Variants in PAQR5 observed in about 807,000 individuals in gnomAD.
PAQR5 encodes the protein progestin and adipoQ receptor family member 5.
PAQR5 carries 20 observed loss-of-function variants against 34.5 expected under a neutral mutation model. The ratio of observed to expected loss-of-function variants is 0.58; its 90% CI spans 0.41 to 0.84. The LOEUF (loss-of-function observed/expected upper bound fraction) is 0.84. Among genes scored for constraint, PAQR5 ranks in the 40% least tolerant of loss-of-function variants. PAQR5 has a pLI of 0.00. For missense variants in PAQR5, 378 were observed against 412.7 expected, an observed-to-expected ratio of 0.92 and a Z score of 0.73; for synonymous variants, 131 against 155.6, an observed-to-expected ratio of 0.84 and a Z score of 1.18.
intron 1 of PAQR5, among the ~76,000 whole-genome samples, chr15:69,335,226 AG>A (rs1225998243): frequency 1.3e-5 from 2 of 148,484 alleles, no homozygotes; most frequent in Admixed American, 6.9e-5. Context: ...AAAAAAAAAA[AG>A]ATTTAAAAGA....
At chr15:69,314,301 C>T (rs560586746) in intron 1 of PAQR5, 2 of 152,220 alleles carry the variant, frequency 1.3e-5, no homozygotes, top group East Asian at 1.9e-4. Context: ...GGCCCAGCTG[C>T]CCTTCTCCCT....
chr15:69,366,555 G>C (rs1179918844), intron 3 of PAQR5, among the ~76,000 whole-genome samples: 1 of 152,058 alleles, frequency 6.6e-6, no homozygotes, highest in Non-Finnish European at 1.5e-5. Flanking sequence ...AATTGATCTT[G>C]GTCTGAGAAT....
At chr15:69,366,315 A>G (rs1393745899) in intron 3 of PAQR5, among the ~76,000 whole-genome samples, 4 of 152,226 alleles carry the variant, frequency 2.6e-5, no homozygotes, top group Non-Finnish European at 5.9e-5. Context: ...ATCATAGTCT[A>G]TTGAATGGAT....
intron 3 of PAQR5, among the ~76,000 whole-genome samples, chr15:69,366,948 T>C (rs2055419329): frequency 6.6e-6 from 1 of 152,168 alleles, no homozygotes; most frequent in African/African-American, 2.4e-5. Flanking sequence ...TCTTTATATC[T>C]AGTAATGCTT....
At chr15:69,390,336 A>ATTTT (rs1344658113) in intron 6 of PAQR5, among the ~76,000 whole-genome samples, 2 of 94,874 alleles carry the variant, frequency 2.1e-5, no homozygotes, top group Non-Finnish European at 5.0e-5. Flanking sequence ...TTATTTATTT[A>ATTTT]TTTATTTATT....
rs904373944 is a variant in PAQR5 at position 69,312,747 on chromosome 15, G to A, written c.-277+13691G>A. Among the ~76,000 whole-genome samples the A allele has an allele frequency of 7.9e-5, 12 of 152,050 alleles. 1 individual carries two copies. In the South Asian group the frequency reaches 2.5e-3, roughly 32 times the overall value. On this transcript the variant is annotated intron_variant, in intron 1 of 8. Coordinates refer to ENST00000395407, the MANE Select transcript of PAQR5 (RefSeq NM_017705.4). ...ACTGGAAAACCGAAAAGTCTTTAAA[G>A]CATGAAGACTTGAGCAATACTGGTT...
At chr15:69,351,551 C>A (rs1241637513) in intron 2 of PAQR5, among the ~76,000 whole-genome samples, 1 of 152,228 alleles carries the variant, frequency 6.6e-6, no homozygotes, top group Non-Finnish European at 1.5e-5. Flanking sequence ...AACAATACAC[C>A]TTCACCGTCC....
chr15:69,305,732 TG>T (rs11291632), intron 1 of PAQR5, among the ~76,000 whole-genome samples: 152,079 of 152,082 alleles, frequency 1, 76,038 homozygotes, highest in Non-Finnish European at 1. Context: ...GGGTGGAGTG[TG>T]GGTGTTGTTA....
At chr15:69,341,178 T>G in intron 2 of PAQR5, among the ~76,000 whole-genome samples, 2 of 106,166 alleles carry the variant, frequency 1.9e-5, no homozygotes, top group African/African-American at 3.6e-5. Context: ...CCATCCCCTC[T>G]ACCCGCCCCC....
At chr15:69,317,293 A>T (rs1378458104) in intron 1 of PAQR5, among the ~76,000 whole-genome samples, 1 of 152,222 alleles carries the variant, frequency 6.6e-6, no homozygotes, top group African/African-American at 2.4e-5. Context: ...GTTGGACATT[A>T]TGCAGGCGGG....
chr15:69,359,306 T>C (rs1159060056), intron 2 of PAQR5, among the ~76,000 whole-genome samples: 4 of 152,150 alleles, frequency 2.6e-5, no homozygotes, highest in African/African-American at 9.7e-5. Context: ...TTGCCCATAT[T>C]ATTGTCACAG....
chr15:69,308,955 A>G (rs916262605), intron 1 of PAQR5, among the ~76,000 whole-genome samples: 2 of 152,174 alleles, frequency 1.3e-5, no homozygotes, highest in African/African-American at 4.8e-5. Flanking sequence ...GGGTTTGGAC[A>G]TGAGAGTGCT....
chr15:69,377,135 A>G (rs1397848723), intron 3 of PAQR5, among the ~76,000 whole-genome samples: 1 of 152,262 alleles, frequency 6.6e-6, no homozygotes, highest in Non-Finnish European at 1.5e-5. Context: ...ATAATGATTA[A>G]TGGAGTCTGC....
chr15:69,370,324 G>A (rs1313285912), intron 3 of PAQR5, among the ~76,000 whole-genome samples: 1 of 152,168 alleles, frequency 6.6e-6, no homozygotes, highest in Non-Finnish European at 1.5e-5. Flanking sequence ...GACAGTCCTT[G>A]TCTTGCCATG....
At chr15:69,401,602 T>G (rs1326666696) in intron 8 of PAQR5, among the ~76,000 whole-genome samples, 1 of 152,196 alleles carries the variant, frequency 6.6e-6, no homozygotes, top group African/African-American at 2.4e-5. Context: ...CACTCAGGTT[T>G]CTTAATAACA....
At chr15:69,322,133 C>T (rs1341020569) in intron 1 of PAQR5, among the ~76,000 whole-genome samples, 1 of 137,804 alleles carries the variant, frequency 7.3e-6, no homozygotes, top group Non-Finnish European at 1.5e-5. Flanking sequence ...TGAGACCAGC[C>T]TGGGCAACAT....
intron 3 of PAQR5, among the ~76,000 whole-genome samples, chr15:69,370,466 G>A (rs1460280998): frequency 1.3e-5 from 2 of 152,176 alleles, no homozygotes; most frequent in Admixed American, 1.3e-4. Context: ...AAACAGTTAT[G>A]TAAAGTGGTT....
rs191261902 is a variant in PAQR5 at position 69,372,176 on chromosome 15, T to C, written c.52-7707T>C. On this transcript the variant is annotated intron_variant, in intron 3 of 8. Coordinates refer to ENST00000395407, the MANE Select transcript of PAQR5 (RefSeq NM_017705.4). Reference sequence around the variant, plus strand: ...CTACCACACCCAGCACTAAGAATACTTTCAAGCCACCTTACATGTTCGGCC... The same window carrying C: ...CTACCACACCCAGCACTAAGAATACCTTCAAGCCACCTTACATGTTCGGCC... 1.8e-3 allele frequency among the ~76,000 whole-genome samples: 273 copies of C among 152,366 alleles called. 2 individuals are homozygous for C. Among genetic ancestry groups the C allele is most frequent in the African/African-American group, 6.1e-3 (254 of 41,590 alleles).
intron 1 of PAQR5, among the ~76,000 whole-genome samples, chr15:69,325,928 T>C (rs898269559): frequency 2.0e-5 from 3 of 152,334 alleles, no homozygotes; most frequent in Middle Eastern, 3.4e-3. Context: ...GGCTCCCCTG[T>C]CTGTGTTCCT....
Sources: gnomAD v4.1 joint callset for allele counts (sites outside exome capture counted in the v4.1 genomes callset) on GRCh38, gnomAD v4.1.1 for gene constraint, MANE v1.5 for transcripts, NCBI Gene and HGNC (gene_info 2026-07-23, HGNC 2026-07-21) for gene names.